Variants in OCA2 observed in about 807,000 individuals in gnomAD.
OCA2 encodes the protein P protein.
A neutral mutation model predicts 100.2 loss-of-function variants in OCA2; 77 were observed. That is an observed-to-expected ratio of 0.77 (90% CI 0.64 to 0.93). OCA2 has a LOEUF of 0.93. Among genes scored for constraint, OCA2 ranks in the 40% least tolerant of loss-of-function variants. The probability of loss-of-function intolerance (pLI) is 0.00; values close to 1 mark genes in which losing one functional copy is unlikely to be tolerated. For missense variants in OCA2, 1,062 were observed against 1,089.1 expected (o/e 0.98, Z 0.35); for synonymous variants, 432 against 439.2 (o/e 0.98, Z 0.21).
At chr15:27,831,284 CA>C (rs71132824) in intron 23 of OCA2, among the ~76,000 whole-genome samples, 643 of 62,602 alleles carry the variant, frequency 0.01, 7 homozygotes, top group African/African-American at 0.033. Flanking sequence ...GACTCCGTCT[CA>C]AAAAAAAAAA....
intron 23 of OCA2, among the ~76,000 whole-genome samples, chr15:27,805,600 C>A (rs2033807223): frequency 6.6e-6 from 1 of 152,272 alleles, no homozygotes; most frequent in East Asian, 1.9e-4. Context: ...GGACCTATGG[C>A]ACGTCCAGGG....
chr15:27,847,824 AGCC>A (rs914320620), intron 22 of OCA2, among the ~76,000 whole-genome samples: 1 of 152,166 alleles, frequency 6.6e-6, no homozygotes, highest in African/African-American at 2.4e-5. Flanking sequence ...ATGCAAAACC[AGCC>A]GGTGTTAGCC....
At chr15:27,976,784 T>G (rs2040981116) in intron 14 of OCA2, among the ~76,000 whole-genome samples, 1 of 152,186 alleles carries the variant, frequency 6.6e-6, no homozygotes, top group Non-Finnish European at 1.5e-5. Flanking sequence ...CCTCTTCAAT[T>G]TACTGTAAAG....
intron 1 of OCA2, among the ~76,000 whole-genome samples, chr15:28,090,621 A>C (rs1307066670): frequency 6.6e-6 from 1 of 152,220 alleles, no homozygotes; most frequent in African/African-American, 2.4e-5. Context: ...TCTCAAGGGA[A>C]ATCAGAATTA....
At chr15:27,776,791 C>A (rs2151071108) in intron 23 of OCA2, 1 of 152,390 alleles carries the variant, frequency 6.6e-6, no homozygotes, top group South Asian at 2.1e-4. Context: ...CTGGTGTCAG[C>A]AGTCTCGGAG....
chr15:27,913,892 AAAGCAAGCAAGCAAGCAAGCAAGCAAGC>A (rs201142354), intron 19 of OCA2, among the ~76,000 whole-genome samples: 8 of 37,426 alleles, frequency 2.1e-4, no homozygotes, highest in African/African-American at 1.1e-3. Flanking sequence ...AGAAAGAAAG[AAAGCAAGCAAGCAAGCAAGCAAGCAAGC>A]AAGCAAGCAA....
intron 2 of OCA2, among the ~76,000 whole-genome samples, chr15:28,057,272 T>A (rs1016517328): frequency 6.6e-6 from 1 of 152,200 alleles, no homozygotes; most frequent in Admixed American, 6.5e-5. Flanking sequence ...GGTCTCATTA[T>A]TTTTGATCCA....
intron 23 of OCA2, among the ~76,000 whole-genome samples, chr15:27,787,490 C>T (rs948339284): frequency 6.6e-6 from 1 of 152,040 alleles, no homozygotes; most frequent in African/African-American, 2.4e-5. Flanking sequence ...TGACTTTCTA[C>T]ACATGTAGCC....
chr15:27,856,757 A>G (rs1180390858), intron 21 of OCA2, among the ~76,000 whole-genome samples: 1 of 152,066 alleles, frequency 6.6e-6, no homozygotes, highest in Non-Finnish European at 1.5e-5. Context: ...CAGAAATTTA[A>G]GGAAATCTTT....
chr15:27,814,643 C>T lies in OCA2; in HGVS notation c.2432+30316G>A, dbSNP rs926534855. Among the ~76,000 whole-genome samples the T allele has an allele frequency of 5.3e-5, 8 of 152,100 alleles. No homozygotes were observed. In the South Asian group the frequency reaches 8.3e-4, roughly 16 times the overall value. On this transcript the variant is annotated intron_variant, in intron 23 of 23. Transcript: ENST00000354638. ...CTGAAATCCCAACACATTGGGAGGC[C>T]GAGGCAGGCAGATCCCTTGAGGTCA... is the stretch of plus-strand genomic sequence containing the variant.
In OCA2 at chr15:28,081,899, G is replaced by A. The variant is rs779961785; in HGVS notation, c.-21-4C>T. On this transcript the variant is annotated splice_polypyrimidine_tract_variant and splice_region_variant and intron_variant, in intron 1 of 23. Transcript: ENST00000354638. ...TGCTCCACTGCCAGTCTTCTCTCTA[G>A]GGCAGCCAGAAAGAAACCACTCTTC... 1.9e-6 allele frequency: 3 copies of A among 1,597,568 alleles called. No homozygotes were observed. Among genetic ancestry groups the A allele is most frequent in the East Asian group, 2.3e-5 (1 of 44,190 alleles).
At chr15:28,039,913 TC>T (rs1014788630) in intron 2 of OCA2, among the ~76,000 whole-genome samples, 2 of 151,456 alleles carry the variant, frequency 1.3e-5, no homozygotes, top group Non-Finnish European at 2.9e-5. Context: ...GCACCTATAA[TC>T]CCAGCTACTC....
intron 23 of OCA2, among the ~76,000 whole-genome samples, chr15:27,793,626 C>T (rs1484862810): frequency 1.3e-5 from 2 of 152,314 alleles, no homozygotes; most frequent in Middle Eastern, 3.4e-3. Flanking sequence ...GCCTTCAGCC[C>T]TCCATCCCGC....
intron 11 of OCA2, among the ~76,000 whole-genome samples, chr15:27,987,555 T>TAAA (rs34819807): frequency 1.4e-5 from 2 of 140,646 alleles, no homozygotes; most frequent in Non-Finnish European, 1.5e-5. Context: ...CCATCTCTAC[T>TAAA]AAAAAAAAAA....
the OCA2 span, among the ~76,000 whole-genome samples, chr15:27,738,632 G>C: frequency 5.3e-5 from 8 of 151,858 alleles, no homozygotes; most frequent in Non-Finnish European, 8.8e-5. Context: ...CTACTCGGGA[G>C]GCTGAGGCTG....
intron 18 of OCA2, among the ~76,000 whole-genome samples, chr15:27,927,649 T>A (rs2039090433): frequency 6.6e-6 from 1 of 152,204 alleles, no homozygotes; most frequent in Non-Finnish European, 1.5e-5. Flanking sequence ...CAGCAGTGGA[T>A]GAGAATTCCA....
intron 23 of OCA2, among the ~76,000 whole-genome samples, chr15:27,830,862 C>A (rs2034921582): frequency 1.3e-5 from 2 of 152,316 alleles, no homozygotes; most frequent in Non-Finnish European, 1.5e-5. Context: ...TCAAATGGGG[C>A]TATAATTTCC....
At chr15:28,039,858 C>A (rs900171130) in intron 2 of OCA2, among the ~76,000 whole-genome samples, 2 of 152,054 alleles carry the variant, frequency 1.3e-5, no homozygotes, top group African/African-American at 4.8e-5. Context: ...CATGGTGAAA[C>A]CCTGTCTCTG....
At chr15:27,966,436 T>C (rs1052455229) in intron 15 of OCA2, among the ~76,000 whole-genome samples, 1 of 152,208 alleles carries the variant, frequency 6.6e-6, no homozygotes, top group Admixed American at 6.5e-5. Flanking sequence ...TAGGGGGTTA[T>C]GACATGTGAG....
Sources: allele counts gnomAD v4.1 joint callset (sites outside exome capture counted in the v4.1 genomes callset), GRCh38; gene constraint gnomAD v4.1.1; transcripts MANE v1.5; gene names NCBI Gene and HGNC (gene_info 2026-07-23, HGNC 2026-07-21).